CPED1: variants seen among roughly 807,000 people sequenced by gnomAD.
CPED1 encodes cadherin-like and PC-esterase domain-containing protein 1.
In CPED1, 114 loss-of-function variants were observed where a neutral mutation model predicts 128.2. The ratio of observed to expected loss-of-function variants is 0.89; its 90% confidence interval spans 0.76 to 1.04. The LOEUF (loss-of-function observed/expected upper bound fraction) is 1.04. Ranked by LOEUF, CPED1 falls within the 50% of genes least tolerant of loss-of-function variation. CPED1 has a pLI of 0.00. For missense variants in CPED1, 1,211 were observed against 1,207.1 expected, an observed-to-expected ratio of 1.00 and a Z score of -0.05; for synonymous variants, 462 against 426.7, an observed-to-expected ratio of 1.08 and a Z score of -1.02.
chr7:121,040,098 T>G (rs1255154488), intron 3 of CPED1, among the ~76,000 whole-genome samples: 1 of 152,022 alleles, frequency 6.6e-6, no homozygotes, highest in African/African-American at 2.4e-5. Context: ...TTGAGTAACA[T>G]AACATTTTCA....
chr7:121,276,512 A>C (rs181487219), intron 22 of CPED1, among the ~76,000 whole-genome samples: 1 of 152,282 alleles, frequency 6.6e-6, no homozygotes, highest in Admixed American at 6.5e-5. Flanking sequence ...CCCTCAGGAC[A>C]TTGCAATCAG....
chr7:121,102,964 ACTGAAGCT>A (rs1349935388), intron 7 of CPED1, among the ~76,000 whole-genome samples: 1 of 152,104 alleles, frequency 6.6e-6, no homozygotes, highest in Non-Finnish European at 1.5e-5. Context: ...TTAACAGGAA[ACTGAAGCT>A]CTTAGGTATT....
At chr7:121,039,547 G>A (rs1470207182) in intron 3 of CPED1, among the ~76,000 whole-genome samples, 1 of 152,002 alleles carries the variant, frequency 6.6e-6, no homozygotes, top group Non-Finnish European at 1.5e-5. Context: ...CTTTTAAGGT[G>A]TTTCAAGCTG....
chr7:121,200,765 A>T (rs193204397), intron 16 of CPED1, among the ~76,000 whole-genome samples: 2 of 152,146 alleles, frequency 1.3e-5, no homozygotes, highest in African/African-American at 4.8e-5. Flanking sequence ...AGACCAGTGC[A>T]AAGTGGGGAA....
chr7:121,025,063 A>G (rs536035178), intron 3 of CPED1, among the ~76,000 whole-genome samples: 1 of 152,248 alleles, frequency 6.6e-6, no homozygotes, highest in East Asian at 1.9e-4. Context: ...TTCTACTCTC[A>G]ATATTATAAA....
At chr7:121,006,870 T>C (rs184731043) in intron 2 of CPED1, among the ~76,000 whole-genome samples, 7 of 152,206 alleles carry the variant, frequency 4.6e-5, no homozygotes, top group Non-Finnish European at 7.4e-5. Context: ...CTGAAAAAGA[T>C]ACTTTTTCAG....
rs1419223389 is a variant in CPED1, at chr7:121,256,140, A to AC, written c.2311-10087_2311-10086insC. Among the ~76,000 whole-genome samples the AC allele has an allele frequency of 3.4e-5, 5 of 146,950 alleles. No individual in the cohort carries two copies. In the East Asian group the frequency reaches 7.8e-4, roughly 23 times the overall value. On this transcript the variant is annotated intron_variant, in intron 18 of 22. Coordinates refer to ENST00000310396, the MANE Select transcript of CPED1 (RefSeq NM_024913.5). ...AAAAAAAAACAAAACAAAAAAAAAA[A>AC]ACAAAGCTTATGCCAAAGACATAAC...
intron 4 of CPED1, among the ~76,000 whole-genome samples, chr7:121,047,716 T>TCCTCCTCCTCCTCCTCCTCC: frequency 1.4e-5 from 1 of 71,244 alleles, no homozygotes; most frequent in African/African-American, 6.7e-5. Flanking sequence ...CTTCTTCTTC[T>TCCTCCTCCTCCTCCTCCTCC]TTTTTTTTTT....
At chr7:120,995,227 A>G (rs1212266480) in intron 2 of CPED1, among the ~76,000 whole-genome samples, 1 of 152,098 alleles carries the variant, frequency 6.6e-6, no homozygotes, top group African/African-American at 2.4e-5. Flanking sequence ...GGTCATTTCT[A>G]TTGAAACCTC....
chr7:121,114,182 C>T (rs1216724862), intron 7 of CPED1, among the ~76,000 whole-genome samples: 1 of 152,156 alleles, frequency 6.6e-6, no homozygotes, highest in African/African-American at 2.4e-5. Flanking sequence ...TATATCCACT[C>T]TATGGATGAG....
In CPED1 at chr7:121,251,244, G is replaced by A. The variant is rs541778534; in HGVS notation, c.2310+6906G>A. On this transcript the variant is annotated intron_variant, in intron 18 of 22. Coordinates refer to ENST00000310396, the MANE Select transcript of CPED1 (RefSeq NM_024913.5). ...TGATTATCTCAATAGATGCAGAAAA[G>A]GCCTTTGACAAAATTCAACAACCCT... Among the ~76,000 whole-genome samples, 8 of 152,198 alleles carry A rather than the reference G, an allele frequency of 5.3e-5. No homozygotes were observed. In the South Asian group the frequency reaches 1.0e-3, roughly 20 times the overall value.
chr7:121,133,418 T>G (rs1394406572), intron 12 of CPED1, among the ~76,000 whole-genome samples: 3 of 152,098 alleles, frequency 2.0e-5, no homozygotes, highest in Non-Finnish European at 2.9e-5. Context: ...GTATACTTAT[T>G]TCTTCAATTA....
chr7:121,028,256 C>CT (rs1254603195), intron 3 of CPED1, among the ~76,000 whole-genome samples: 1 of 152,174 alleles, frequency 6.6e-6, no homozygotes, highest in African/African-American at 2.4e-5. Flanking sequence ...TATGCTGGTC[C>CT]TGGGACCACG....
At chr7:121,199,546 G>A (rs1451033110) in intron 16 of CPED1, among the ~76,000 whole-genome samples, 4 of 151,256 alleles carry the variant, frequency 2.6e-5, no homozygotes, top group African/African-American at 4.9e-5. Flanking sequence ...GGGTGGTGGT[G>A]CACACCTGTA....
chr7:121,219,482 A>G (rs1336389259), intron 16 of CPED1, among the ~76,000 whole-genome samples: 1 of 152,082 alleles, frequency 6.6e-6, no homozygotes, highest in Non-Finnish European at 1.5e-5. Flanking sequence ...AAATGTAAAG[A>G]AATATTTCCA....
intron 3 of CPED1, among the ~76,000 whole-genome samples, chr7:121,025,826 A>G (rs1792564139): frequency 6.6e-6 from 1 of 152,206 alleles, no homozygotes; most frequent in African/African-American, 2.4e-5. Flanking sequence ...GATAAGGTTG[A>G]ATCCTATCTA....
At chr7:121,069,819 A>G (rs949181545) in intron 5 of CPED1, among the ~76,000 whole-genome samples, 1 of 152,296 alleles carries the variant, frequency 6.6e-6, no homozygotes, top group African/African-American at 2.4e-5. Context: ...AAAACATAAG[A>G]GAACTGTTTT....
intron 16 of CPED1, among the ~76,000 whole-genome samples, chr7:121,165,267 A>G (rs2116447314): frequency 6.6e-6 from 1 of 152,302 alleles, no homozygotes; most frequent in East Asian, 1.9e-4. Context: ...TCACTTAAGT[A>G]TCCAGTAAGT....
intron 2 of CPED1, among the ~76,000 whole-genome samples, chr7:121,003,311 C>G (rs999743433): frequency 4.6e-5 from 7 of 152,118 alleles, no homozygotes; most frequent in African/African-American, 1.7e-4. Flanking sequence ...CTGCTAGACC[C>G]TTTAAGAATA....
Sources: allele counts gnomAD v4.1 joint callset (sites outside exome capture counted in the v4.1 genomes callset), GRCh38; gene constraint gnomAD v4.1.1; transcripts MANE v1.5; gene names NCBI Gene and HGNC (gene_info 2026-07-23, HGNC 2026-07-21).